ALDH18A1: variants seen among roughly 807,000 people sequenced by gnomAD.
ALDH18A1 encodes the protein delta-1-pyrroline-5-carboxylate synthase.
Under a neutral mutation model 88.8 loss-of-function variants are expected in ALDH18A1, and 44 were observed. That is an observed-to-expected ratio of 0.50 (90% CI 0.39 to 0.64). ALDH18A1 has a LOEUF of 0.64. ALDH18A1 is among the 30% of genes least tolerant of loss of function. The pLI, the probability that ALDH18A1 is intolerant of heterozygous loss-of-function variation, is 0.00. For synonymous variants in ALDH18A1, 331 were observed against 372.1 expected (o/e 0.89, Z 1.27); for missense variants, 782 against 1,009.5 (o/e 0.77, Z 3.05).
At chr10:95,634,636 G>A (rs1008098306) in intron 5 of ALDH18A1, among the ~76,000 whole-genome samples, 2 of 152,166 alleles carry the variant, frequency 1.3e-5, no homozygotes, top group Non-Finnish European at 2.9e-5. Flanking sequence ...AGCTGAAAGG[G>A]GGGCAGAACA....
At chr10:95,622,188 A>C (rs1478618250) in intron 11 of ALDH18A1, among the ~76,000 whole-genome samples, 1 of 152,194 alleles carries the variant, frequency 6.6e-6, no homozygotes, top group Non-Finnish European at 1.5e-5. Context: ...ATTTTAAAAA[A>C]GAAAACTTTT....
At chr10:95,620,708 C>T (rs1441627942) in intron 12 of ALDH18A1, among the ~76,000 whole-genome samples, 1 of 149,772 alleles carries the variant, frequency 6.7e-6, no homozygotes, top group Non-Finnish European at 1.5e-5. Context: ...CCAAACAATG[C>T]ATGTTCTCAC....
intron 6 of ALDH18A1, 56 bp downstream of exon 6, chr10:95,633,435 C>T: frequency 6.3e-7 from 1 of 1,598,384 alleles, no homozygotes; most frequent in Non-Finnish European, 8.6e-7. Flanking sequence ...GTGCATGCAG[C>T]ATAGCATGGT....
chr10:95,631,844 C>A (rs1015791781), intron 7 of ALDH18A1, among the ~76,000 whole-genome samples: 1 of 151,622 alleles, frequency 6.6e-6, no homozygotes, highest in East Asian at 1.9e-4. Flanking sequence ...GTACAAGGGG[C>A]CTTACTTTGG....
Position 95,615,761 on chromosome 10 carries a change from G to A in ALDH18A1, c.1605+716C>T, listed in dbSNP as rs377633483. 6.8e-4 allele frequency among the ~76,000 whole-genome samples: 103 copies of A among 152,096 alleles called. 1 individual carries two copies. The highest frequency in any genetic ancestry group is 1.9e-3 in the East Asian group (10 of 5,184). On this transcript the variant is annotated intron_variant, in intron 13 of 17. Transcript: ENST00000371224. ...AGAATCCTGGAATGTTGGAGCAAAT[G>A]AGCCAAAGAAAAAAAAGGATCTGGA...
At position 95,632,983 on chromosome 10, in the gene ALDH18A1, A is replaced by G. The variant is rs1419999160; in HGVS notation, c.784T>C (p.Leu262=). 2 of 1,614,084 alleles carry G rather than the reference A, an allele frequency of 1.2e-6. No individual in the cohort carries two copies. The highest frequency in any genetic ancestry group is 1.3e-5 in the African/African-American group (1 of 74,954). ...RLAVEMKTDL[L]IVLSDVEGLF... Reference sequence around the variant, plus strand: ...CCTTCTACATCTGAAAGAACAATCAAGAGATCAGTTTTCATTTCCACAGCC... The same window carrying G: ...CCTTCTACATCTGAAAGAACAATCAGGAGATCAGTTTTCATTTCCACAGCC... The change falls in exon 7 of 18, where the codon TTG becomes CTG. Residue 262 remains leucine, a synonymous_variant. Transcript: ENST00000371224.
chr10:95,607,070 TC>T (rs2097824128), intron 17 of ALDH18A1, 127 bp from the exon 18 acceptor site: 6 of 937,806 alleles, frequency 6.4e-6, no homozygotes, highest in South Asian at 1.3e-5. Flanking sequence ...TCATCCATCC[TC>T]CCCAGAAGAG....
Position 95,615,564 on chromosome 10 carries a change from T to C in ALDH18A1, c.1605+913A>G, listed in dbSNP as rs369528534. Among the ~76,000 whole-genome samples the C allele has an allele frequency of 4.5e-3, 679 of 152,040 alleles. 2 individuals carry two copies. Among genetic ancestry groups the C allele is most frequent in the Middle Eastern group, 0.021 (6 of 292 alleles). ...TTACTGTACGTATGTTACACATCAA[T>C]AGGAAGAAAAGGAGGGAGGGCACCT... On this transcript the variant is annotated intron_variant, in intron 13 of 17. Transcript: ENST00000371224.
intron 1 of ALDH18A1, 119 bp from the exon 2 acceptor site, chr10:95,653,524 T>A: frequency 1.2e-6 from 1 of 812,514 alleles, no homozygotes; most frequent in Non-Finnish European, 2.0e-6. Flanking sequence ...CAAACTCCTC[T>A]GTATTAGGGA....
chr10:95,625,765 A>G (rs192634935), intron 10 of ALDH18A1, among the ~76,000 whole-genome samples: 10 of 151,546 alleles, frequency 6.6e-5, no homozygotes, highest in South Asian at 6.3e-4. Flanking sequence ...GAAAAAAAAA[A>G]GGGGGGGAAG....
intron 2 of ALDH18A1, among the ~76,000 whole-genome samples, chr10:95,650,703 T>C (rs896301488): frequency 6.6e-6 from 1 of 152,134 alleles, no homozygotes. Flanking sequence ...TGCAGAACCA[T>C]GACAAATAAA....
intron 11 of ALDH18A1, among the ~76,000 whole-genome samples, chr10:95,623,263 A>T (rs184458062): frequency 7.2e-5 from 11 of 152,302 alleles, no homozygotes; most frequent in Non-Finnish European, 1.5e-4. Context: ...AATTATCTTA[A>T]TTACTACTAA....
intron 17 of ALDH18A1, 43 bp downstream of exon 17, chr10:95,610,154 C>T (rs745966631): frequency 6.7e-5 from 107 of 1,586,526 alleles, no homozygotes; most frequent in Non-Finnish European, 8.8e-5. Flanking sequence ...CCACACAGTG[C>T]TTCACAAGGA....
chr10:95,635,392 G>A (rs1430863300), intron 5 of ALDH18A1, among the ~76,000 whole-genome samples: 1 of 152,176 alleles, frequency 6.6e-6, no homozygotes, highest in Non-Finnish European at 1.5e-5. Flanking sequence ...CAGCATGAAG[G>A]TAGGAGATAA....
At position 95,651,048 on chromosome 10, in the gene ALDH18A1, G is replaced by A. The variant is rs188717655; in HGVS notation, c.88+2242C>T. Among the ~76,000 whole-genome samples the A allele has an allele frequency of 5.5e-3, 835 of 152,168 alleles. 6 individuals carry two copies. The highest frequency in any genetic ancestry group is 0.015 in the Admixed American group (227 of 15,282). Reference sequence around the variant, plus strand: ...ACTCAGGAACTGAGGCAGGAGAATCGCTTGAACCCGGGAGGCAGAGGTTGC... The same window carrying A: ...ACTCAGGAACTGAGGCAGGAGAATCACTTGAACCCGGGAGGCAGAGGTTGC... On this transcript the variant is annotated intron_variant, in intron 2 of 17. Coordinates refer to ENST00000371224, the MANE Select transcript of ALDH18A1 (RefSeq NM_002860.4).
chr10:95,652,032 T>A (rs564787377), intron 2 of ALDH18A1, among the ~76,000 whole-genome samples: 61 of 152,348 alleles, frequency 4.0e-4, no homozygotes, highest in African/African-American at 1.4e-3. Context: ...TAGCATTACA[T>A]ACTTCTCAGT....
At chr10:95,615,113 A>C (rs1441179999) in intron 13 of ALDH18A1, among the ~76,000 whole-genome samples, 1 of 151,914 alleles carries the variant, frequency 6.6e-6, no homozygotes, top group Admixed American at 6.6e-5. Context: ...GCCTGAGCTC[A>C]GGAGTTTGAG....
At position 95,637,326 on chromosome 10, in the gene ALDH18A1, C is replaced by T. The variant is rs1463388838; in HGVS notation, c.414G>A (p.Arg138=). 2 of 1,614,136 alleles carry T rather than the reference C, an allele frequency of 1.2e-6. No individual in the cohort carries two copies. Among genetic ancestry groups the T allele is most frequent in the Admixed American group, 1.7e-5 (1 of 60,010 alleles). ...GGTTCTGCCCCGAGTGGAGGGCCTG[C>T]CGCACGCTCTGAGACAGAAGGATCT... ...RHEILLSQSV[R]QALHSGQNQL... The change falls in exon 4 of 18, where the codon CGG becomes CGA. Residue 138 remains arginine, a synonymous_variant. Transcript: ENST00000371224.
In ALDH18A1 at chr10:95,621,051, G is replaced by A. The variant is rs764145947; in HGVS notation, c.1447C>T (p.Arg483Cys). ...CACACCTGGGGTAGACAGTCAGGAC[G>A]AGATTCAAAGATCACCAGCAGAACT... ...IGVLLVIFES[R>C]PDCLPQVAAL... is the part of the protein sequence containing the mutation. Residue 483 changes from arginine to cysteine, a missense_variant, in exon 12 of 18, where the codon CGT (arginine) becomes TGT (cysteine). Coordinates refer to ENST00000371224, the MANE Select transcript of ALDH18A1 (RefSeq NM_002860.4). 3.7e-6 allele frequency: 6 copies of A among 1,614,024 alleles called. No individual in the cohort carries two copies. The highest frequency in any genetic ancestry group is 3.3e-5 in the Admixed American group (2 of 60,004).
Sources: gnomAD v4.1 joint callset for allele counts (sites outside exome capture counted in the v4.1 genomes callset) on GRCh38, gnomAD v4.1.1 for gene constraint, MANE v1.5 for transcripts, NCBI Gene and HGNC (gene_info 2026-07-23, HGNC 2026-07-21) for gene names.